FBXW10: variants seen among roughly 807,000 people sequenced by gnomAD.
The protein encoded by FBXW10 is F-box/WD repeat-containing protein 10.
FBXW10 carries 68 observed loss-of-function variants against 113.1 expected under a neutral mutation model. That is an observed-to-expected ratio of 0.60 (90% CI 0.49 to 0.74). FBXW10 has a LOEUF of 0.74. Among genes scored for constraint, FBXW10 ranks in the 30% least tolerant of loss-of-function variants. FBXW10 has a pLI of 0.00. For synonymous variants in FBXW10, 289 were observed against 481.6 expected (o/e 0.60, Z 5.24); for missense variants, 753 against 1,284.5 (o/e 0.59, Z 6.32).
intron 1 of FBXW10, among the ~76,000 whole-genome samples, chr17:18,747,195 G>T (rs2151785803): frequency 6.6e-6 from 1 of 152,124 alleles, no homozygotes; most frequent in African/African-American, 2.4e-5. Flanking sequence ...CAGAGTGCTG[G>T]GATTACAGGC....
At chr17:18,746,569 G>A (rs188626530) in intron 1 of FBXW10, among the ~76,000 whole-genome samples, 3 of 152,202 alleles carry the variant, frequency 2.0e-5, no homozygotes, top group Admixed American at 1.3e-4. Flanking sequence ...GTGTGTCAGG[G>A]GTATAGAAGA....
At chr17:18,762,318 C>CTTTTTTTTTTT (rs879044366) in intron 7 of FBXW10, among the ~76,000 whole-genome samples, 1 of 136,714 alleles carries the variant, frequency 7.3e-6, no homozygotes, top group Non-Finnish European at 1.6e-5. Context: ...AATATATTAT[C>CTTTTTTTTTTT]TTTTTTTTTT....
chr17:18,774,093 A>G (rs189555722), intron 12 of FBXW10, among the ~76,000 whole-genome samples: 21 of 148,336 alleles, frequency 1.4e-4, no homozygotes, highest in African/African-American at 4.4e-4. Context: ...GAGTTGCTTA[A>G]CATTCTGCTG....
rs371753550 is a variant in FBXW10 at position 18,769,970 on chromosome 17, G to A, written c.1891G>A (p.Ala631Thr). ...CCTTCTCTTCCTCCGGGTCATCAGC[G>A]CCTGTGCAGATGGCAAGATCCGAAT... ...VSLLFLRVIS[A>T]CADGKIRIYN... The change falls in exon 11 of 14, where the codon GCC (alanine) becomes ACC (threonine). Residue 631 changes from alanine to threonine, a missense_variant. By Grantham distance (58) the Ala-to-Thr change is moderately conservative (BLOSUM62 0). Transcript: ENST00000395665. 31 of 1,613,972 alleles carry A rather than the reference G, an allele frequency of 1.9e-5. No homozygotes were observed. Among genetic ancestry groups the A allele is most frequent in the South Asian group, 3.3e-5 (3 of 91,086 alleles).
chr17:18,756,146 C>G lies in FBXW10; in HGVS notation c.1224C>G (p.Leu408=). 3.7e-6 allele frequency: 6 copies of G among 1,613,688 alleles called. No homozygotes were observed. Among genetic ancestry groups the G allele is most frequent in the Non-Finnish European group, 5.1e-6 (6 of 1,179,734 alleles). ...VFCGTYNVRI[L]SDTWDQNRVI... Reference sequence around the variant, plus strand: ...GTGGGACCTACAATGTTCGCATTCTCTCTGACACGTAGGTACTGGGGTCAG... The same window carrying G: ...GTGGGACCTACAATGTTCGCATTCTGTCTGACACGTAGGTACTGGGGTCAG... Residue 408 remains leucine (L), a synonymous_variant, in exon 6 of 14, where the codon CTC becomes CTG. Transcript: ENST00000395665.
intron 1 of FBXW10, among the ~76,000 whole-genome samples, chr17:18,747,673 C>A (rs182347432): frequency 6.6e-6 from 1 of 152,214 alleles, no homozygotes; most frequent in Non-Finnish European, 1.5e-5. Context: ...TTCCCTGTTG[C>A]AATTCCTGAC....
intron 1 of FBXW10, 102 bp from the exon 2 acceptor site, chr17:18,747,839 T>G: frequency 6.6e-7 from 1 of 1,520,606 alleles, no homozygotes; most frequent in Non-Finnish European, 8.8e-7. Flanking sequence ...ATTCTGTACA[T>G]CTTTAAAAGA....
At chr17:18,770,138 G>T (rs529262937) in intron 11 of FBXW10, 53 bp downstream of exon 11, 122 of 1,608,352 alleles carry the variant, frequency 7.6e-5, no homozygotes, top group African/African-American at 4.7e-4. Context: ...TGGATTTTTT[G>T]ATTTTTTTCC....
chr17:18,775,341 T>C (rs544105481), intron 13 of FBXW10, 149 bp downstream of exon 13: 10 of 615,560 alleles, frequency 1.6e-5, no homozygotes, highest in Non-Finnish European at 2.6e-5. Context: ...TTTCTCTCAC[T>C]CTAGTTTCGT....
At chr17:18,759,798 G>T (rs1470118951) in intron 7 of FBXW10, among the ~76,000 whole-genome samples, 1 of 152,002 alleles carries the variant, frequency 6.6e-6, no homozygotes, top group Non-Finnish European at 1.5e-5. Flanking sequence ...GTATTTTTTA[G>T]TAGAGAAGGG....
intron 13 of FBXW10, among the ~76,000 whole-genome samples, chr17:18,777,840 G>A (rs1382842114): frequency 4.6e-5 from 7 of 151,928 alleles, no homozygotes; most frequent in Admixed American, 4.6e-4. Context: ...ACCGCGCCCG[G>A]CCTCAACTTC....
Position 18,778,811 on chromosome 17 carries a change from T to G in FBXW10, c.2672T>G (p.Leu891Arg), listed in dbSNP as rs1251920839. The G allele has an allele frequency of 7.4e-6, 12 of 1,613,940 alleles. No individual in the cohort carries two copies. Among genetic ancestry groups the G allele is most frequent in the Non-Finnish European group, 7.6e-6 (9 of 1,179,864 alleles). The change falls in exon 14 of 14, where the codon CTG (leucine) becomes CGG (arginine). Residue 891 changes from leucine to arginine, a missense_variant. Leu to Arg is a moderately radical substitution (Grantham distance 102). Coordinates refer to ENST00000395665, the MANE Select transcript of FBXW10 (RefSeq NM_001267585.2). ...AGTATTCCCCTTGAAATCCAGAAACTGCAGCCCAACTTGAAGATCTCTTTG... is the reference window on the plus strand; with the variant it reads ...AGTATTCCCCTTGAAATCCAGAAACGGCAGCCCAACTTGAAGATCTCTTTG... ...RTSIPLEIQK[L>R]QPNLKISLHS...
chr17:18,746,025 G>C (rs1184305880), intron 1 of FBXW10, among the ~76,000 whole-genome samples: 2 of 152,184 alleles, frequency 1.3e-5, no homozygotes, highest in Admixed American at 1.3e-4. Context: ...TTCCACTTAT[G>C]GTGGAATGCA....
chr17:18,750,359 A>G (rs1019378701), intron 4 of FBXW10, among the ~76,000 whole-genome samples: 4 of 152,090 alleles, frequency 2.6e-5, no homozygotes, highest in Non-Finnish European at 5.9e-5. Flanking sequence ...AGGGATAGAG[A>G]CCGCTCAGGA....
intron 4 of FBXW10, among the ~76,000 whole-genome samples, 170 bp from the exon 5 acceptor site, chr17:18,750,759 GCA>G (rs1338300446): frequency 6.6e-6 from 1 of 152,076 alleles, no homozygotes; most frequent in Non-Finnish European, 1.5e-5. Flanking sequence ...CATTCGATCT[GCA>G]CACACTGCCA....
At chr17:18,767,942 A>C (rs2035528015) in intron 9 of FBXW10, among the ~76,000 whole-genome samples, 1 of 152,112 alleles carries the variant, frequency 6.6e-6, no homozygotes, top group South Asian at 2.1e-4. Context: ...ATTCCTCCTT[A>C]ACCCGAGAGA....
intron 7 of FBXW10, among the ~76,000 whole-genome samples, chr17:18,760,737 C>T (rs1038132784): frequency 2.0e-5 from 3 of 151,686 alleles, no homozygotes; most frequent in African/African-American, 7.3e-5. Flanking sequence ...CTGGGAGGTG[C>T]CACTGCACTC....
In FBXW10 at chr17:18,768,434, T is replaced by C. The variant is rs2035545733; in HGVS notation, c.1705-100T>C. On this transcript the variant is annotated intron_variant, in intron 9 of 13. Coordinates refer to ENST00000395665, the MANE Select transcript of FBXW10 (RefSeq NM_001267585.2). ...CTACCGAGTGACTGGCAGTCACAGATTGGTGGGGGGTGGCTTTGGGATTCA... is the reference window on the plus strand; with the variant it reads ...CTACCGAGTGACTGGCAGTCACAGACTGGTGGGGGGTGGCTTTGGGATTCA... 3 of 1,488,684 alleles carry C rather than the reference T, an allele frequency of 2.0e-6. No homozygotes were observed. In the Admixed American group the frequency reaches 6.1e-5, roughly 31 times the overall value. The allele number at this position is 1,488,684 out of a possible 1,614,324, so 92.2% of individuals were successfully genotyped here.
intron 11 of FBXW10, 29 bp from the exon 12 acceptor site, chr17:18,772,383 T>C (rs1398424449): frequency 6.2e-7 from 1 of 1,602,814 alleles, no homozygotes; most frequent in Admixed American, 1.7e-5. Flanking sequence ...ACAGTCCTTT[T>C]GTGGACAACC....
Sources: allele counts gnomAD v4.1 joint callset (sites outside exome capture counted in the v4.1 genomes callset), GRCh38; gene constraint gnomAD v4.1.1; transcripts MANE v1.5; gene names NCBI Gene and HGNC (gene_info 2026-07-23, HGNC 2026-07-21).